KCNJ15: variants seen among roughly 807,000 people sequenced by gnomAD.
KCNJ15 encodes the protein potassium inwardly rectifying channel subfamily J member 15.
A neutral mutation model predicts 23.0 loss-of-function variants in KCNJ15; 14 were observed. That is an observed-to-expected ratio of 0.61 (90% CI 0.40 to 0.95). The LOEUF is 0.95. Among genes scored for constraint, KCNJ15 ranks in the 40% least tolerant of loss-of-function variants. The probability of loss-of-function intolerance (pLI) is 0.00; values close to 1 mark genes in which losing one functional copy is unlikely to be tolerated. For synonymous variants in KCNJ15, 185 were observed against 183.2 expected (o/e 1.01, Z -0.08); for missense variants, 388 against 461.8 (o/e 0.84, Z 1.46).
intron 1 of KCNJ15, among the ~76,000 whole-genome samples, chr21:38,243,636 G>T (rs1261790663): frequency 6.6e-6 from 1 of 152,138 alleles, no homozygotes. Context: ...TGGCCAGGCT[G>T]GTCTCGAGCT....
At chr21:38,268,569 A>AAAAAAAAAAAAAAAAAG (rs1568997244) in intron 1 of KCNJ15, among the ~76,000 whole-genome samples, 2 of 136,034 alleles carry the variant, frequency 1.5e-5, no homozygotes, top group Non-Finnish European at 1.5e-5. Context: ...AAAAAAAAAA[A>AAAAAAAAAAAAAAAAAG]AAAAAAAAGA....
At chr21:38,264,726 A>G (rs968409251) in intron 1 of KCNJ15, among the ~76,000 whole-genome samples, 3 of 152,224 alleles carry the variant, frequency 2.0e-5, no homozygotes, top group African/African-American at 7.2e-5. Flanking sequence ...TCCCTTGGTG[A>G]ATATTACAAA....
At chr21:38,282,891 A>C (rs146315878) in intron 1 of KCNJ15, among the ~76,000 whole-genome samples, 101 of 152,290 alleles carry the variant, frequency 6.6e-4, no homozygotes, top group African/African-American at 2.3e-3. Flanking sequence ...GAACAAGGTG[A>C]ACGCTACCTG....
chr21:38,235,317 G>A (rs1206927440), intron 1 of KCNJ15, among the ~76,000 whole-genome samples: 1 of 152,012 alleles, frequency 6.6e-6, no homozygotes, highest in Admixed American at 6.6e-5. Context: ...ACTTTGGGAG[G>A]CCGAGGTTGG....
intron 1 of KCNJ15, chr21:38,238,583 A>T (rs1046943512): frequency 1.6e-6 from 1 of 621,472 alleles, no homozygotes; most frequent in Non-Finnish European, 3.1e-6. Flanking sequence ...AGGCACACAC[A>T]CTTGTCCATC....
chr21:38,294,181 AT>A (rs910925922), intron 1 of KCNJ15, among the ~76,000 whole-genome samples: 3 of 152,198 alleles, frequency 2.0e-5, no homozygotes. Context: ...TAATCCAGGC[AT>A]TTTTTATTTC....
At chr21:38,247,545 GAT>G (rs1979522067) in intron 1 of KCNJ15, among the ~76,000 whole-genome samples, 1 of 151,684 alleles carries the variant, frequency 6.6e-6, no homozygotes, top group African/African-American at 2.4e-5. Flanking sequence ...TGGATGGATG[GAT>G]GGATGGATGG....
intron 1 of KCNJ15, among the ~76,000 whole-genome samples, chr21:38,238,936 A>C (rs1978808962): frequency 6.6e-6 from 1 of 152,180 alleles, no homozygotes; most frequent in African/African-American, 2.4e-5. Context: ...ATAATTCTGC[A>C]GTTGAAAAGC....
At chr21:38,243,530 T>C (rs997523460) in intron 1 of KCNJ15, among the ~76,000 whole-genome samples, 3 of 152,272 alleles carry the variant, frequency 2.0e-5, no homozygotes, top group Non-Finnish European at 4.4e-5. Context: ...CAAGCTATTC[T>C]CCTGCCTCAG....
chr21:38,252,220 C>G (rs771875973), upstream of KCNJ15, among the ~76,000 whole-genome samples: 2 of 152,160 alleles, frequency 1.3e-5, no homozygotes, highest in African/African-American at 2.4e-5. Context: ...ATTATTTGCT[C>G]TTCATTTTTC....
At chr21:38,246,568 C>T (rs2836239) in intron 1 of KCNJ15, among the ~76,000 whole-genome samples, 54,138 of 151,976 alleles carry the variant, frequency 0.36, 11,489 homozygotes, top group East Asian at 0.76. Flanking sequence ...TTTAAAAATG[C>T]TAGTTAAGAT....
chr21:38,238,551 G>A, intron 1 of KCNJ15: 1 of 636,288 alleles, frequency 1.6e-6, no homozygotes, highest in Non-Finnish European at 3.0e-6. Flanking sequence ...CATGGTGCAT[G>A]TGCTGGGAGA....
At chr21:38,253,493 G>A (rs1426062489), upstream of KCNJ15, among the ~76,000 whole-genome samples, 1 of 152,126 alleles carries the variant, frequency 6.6e-6, no homozygotes, top group East Asian at 1.9e-4. Context: ...CACCTGTGGA[G>A]GGCTCTTTAA....
intron 1 of KCNJ15, chr21:38,268,988 G>A (rs1321904772): frequency 2.0e-5 from 3 of 152,154 alleles, no homozygotes; most frequent in Non-Finnish European, 4.4e-5. Flanking sequence ...CCCACCTATG[G>A]GCTGAGGGAT....
rs1451110749 is a variant in KCNJ15 at position 38,299,268 on chromosome 21, G to A, written c.7G>A (p.Ala3Thr). 2 of 1,610,668 alleles carry A rather than the reference G, an allele frequency of 1.2e-6. No homozygotes were observed. Among genetic ancestry groups the A allele is most frequent in the Non-Finnish European group, 1.7e-6 (2 of 1,177,616 alleles). The change falls in exon 3 of 3, where the codon GCC becomes ACC. Residue 3 changes from alanine (A) to threonine (T), a missense_variant. Ala to Thr is a moderately conservative substitution (Grantham distance 58). Transcript: ENST00000398938. The surrounding 1 kb of genome is among the most constrained non-coding windows in gnomAD (Gnocchi z 4.5). ...GTGTTTCCAGAGCCTGGCAATGGAT[G>A]CCATTCACATCGGCATGTCCAGCAC... MD[A>T]IHIGMSSTPL...
Position 38,302,383 on chromosome 21 carries a change from G to A in KCNJ15, c.*1994G>A, listed in dbSNP as rs566452584. On this transcript the variant is annotated 3_prime_UTR_variant, in exon 3 of 3. Coordinates refer to ENST00000398938, the MANE Select transcript of KCNJ15 (RefSeq NM_170736.3). Reference sequence around the variant, plus strand: ...CTGGCCTGGAACTGAACTAGTTTAAGGCAGGTGTAAGAATAGTGGGAGGAA... The same window carrying A: ...CTGGCCTGGAACTGAACTAGTTTAAAGCAGGTGTAAGAATAGTGGGAGGAA... 6.6e-6 allele frequency: 1 copy of A among 152,328 alleles called. No individual in the cohort carries two copies. Among genetic ancestry groups the A allele is most frequent in the African/African-American group, 2.4e-5 (1 of 41,566 alleles). The allele number at this position is 152,328 out of a possible 1,614,324, so 9.4% of individuals were successfully genotyped here. A position where few individuals can be genotyped will look rare whatever the true frequency, so the allele number is the denominator to read the frequency against.
chr21:38,241,718 G>T (rs1601126610), intron 1 of KCNJ15, among the ~76,000 whole-genome samples: 2 of 152,258 alleles, frequency 1.3e-5, no homozygotes, highest in East Asian at 3.9e-4. Flanking sequence ...TGTAATCATA[G>T]CACTTTGGGA....
chr21:38,280,631 C>CT (rs1488963763), intron 1 of KCNJ15, among the ~76,000 whole-genome samples: 1 of 152,108 alleles, frequency 6.6e-6, no homozygotes, highest in Non-Finnish European at 1.5e-5. Flanking sequence ...AATGAAGTTT[C>CT]CAGATATAAG....
At chr21:38,232,112 T>A (rs1026007217) in intron 1 of KCNJ15, among the ~76,000 whole-genome samples, 20 of 150,784 alleles carry the variant, frequency 1.3e-4, no homozygotes, top group African/African-American at 4.6e-4. Context: ...TTCTGGGAAG[T>A]TTTAAAATTA....
Sources: allele counts gnomAD v4.1 joint callset (sites outside exome capture counted in the v4.1 genomes callset), GRCh38; gene constraint gnomAD v4.1.1; non-coding constraint Gnocchi (gnomAD v3.1); transcripts MANE v1.5; gene names NCBI Gene and HGNC (gene_info 2026-07-23, HGNC 2026-07-21).